CDH4: variants seen among roughly 807,000 people sequenced by gnomAD.
The protein encoded by CDH4 is cadherin 4.
A neutral mutation model predicts 86.0 loss-of-function variants in CDH4; 33 were observed. The observed-to-expected ratio is 0.38, with a 90% CI of 0.29 to 0.51. CDH4 has a LOEUF of 0.51. Ranked by LOEUF, CDH4 falls within the 20% of genes least tolerant of loss-of-function variation. CDH4 has a pLI of 0.86. For missense variants in CDH4, 1,114 were observed against 1,307.4 expected, an observed-to-expected ratio of 0.85 and a Z score of 2.28; for synonymous variants, 555 against 549.4, an observed-to-expected ratio of 1.01 and a Z score of -0.14.
At chr20:61,367,269 C>T (rs986232392) in intron 2 of CDH4, among the ~76,000 whole-genome samples, 4 of 151,314 alleles carry the variant, frequency 2.6e-5, no homozygotes, top group Admixed American at 6.6e-5. Context: ...GTTAAATGCT[C>T]GCTCTGTGCT....
chr20:61,322,664 C>T (rs1033343438), intron 2 of CDH4, among the ~76,000 whole-genome samples: 1 of 152,162 alleles, frequency 6.6e-6, no homozygotes, highest in African/African-American at 2.4e-5. Context: ...AGGCTGTTTG[C>T]CAGCCACACA....
chr20:61,805,675 T>A (rs1191284843), intron 4 of CDH4, among the ~76,000 whole-genome samples: 1 of 152,132 alleles, frequency 6.6e-6, no homozygotes, highest in East Asian at 1.9e-4. Flanking sequence ...AGAGGTATGT[T>A]TAAAACTCCC....
At chr20:61,408,126 C>G (rs1171658414) in intron 2 of CDH4, among the ~76,000 whole-genome samples, 1 of 152,170 alleles carries the variant, frequency 6.6e-6, no homozygotes, top group Non-Finnish European at 1.5e-5. Context: ...CAAGTGTCCT[C>G]TCACTAGGAC....
chr20:61,627,886 G>A lies in CDH4; in HGVS notation c.170-115677G>A, dbSNP rs61178923. On this transcript the variant is annotated intron_variant, in intron 2 of 15. Transcript: ENST00000614565. Reference sequence around the variant, plus strand: ...CCCTTTTGTGTCGGTGTCCCCCAGCGAGGCCCAGGACTTGTTCTCACCCCT... The same window carrying A: ...CCCTTTTGTGTCGGTGTCCCCCAGCAAGGCCCAGGACTTGTTCTCACCCCT... Among the ~76,000 whole-genome samples, 1,315 of 152,154 alleles carry A rather than the reference G, an allele frequency of 8.6e-3. 11 individuals carry two copies. Among genetic ancestry groups the A allele is most frequent in the African/African-American group, 0.029 (1,211 of 41,520 alleles).
rs565354554 is a variant in CDH4 at position 61,333,717 on chromosome 20, C to G, written c.169+78780C>G. Among the ~76,000 whole-genome samples, 20 of 152,310 alleles carry G rather than the reference C, an allele frequency of 1.3e-4. No homozygotes were observed. In the South Asian group the frequency reaches 3.9e-3, roughly 30 times the overall value. On this transcript the variant is annotated intron_variant, in intron 2 of 15. Coordinates refer to ENST00000614565, the MANE Select transcript of CDH4 (RefSeq NM_001794.5). ...AGGCCTCTGCGGTATCCCTGGGTTG[C>G]GCTTTCAGGCGAAGAGCATCGTGAT... is the stretch of plus-strand genomic sequence containing the variant.
chr20:61,706,949 G>A (rs2087838224), intron 2 of CDH4, among the ~76,000 whole-genome samples: 1 of 152,242 alleles, frequency 6.6e-6, no homozygotes, highest in Non-Finnish European at 1.5e-5. Flanking sequence ...CTGGTCTTTA[G>A]AAGCTCCTGG....
At chr20:61,337,141 A>G (rs1312083759) in intron 2 of CDH4, among the ~76,000 whole-genome samples, 1 of 151,756 alleles carries the variant, frequency 6.6e-6, no homozygotes, top group Non-Finnish European at 1.5e-5. Context: ...CTTCGCCATA[A>G]AGTGGGGATG....
At chr20:61,729,516 C>G (rs948454871) in intron 2 of CDH4, among the ~76,000 whole-genome samples, 9 of 152,218 alleles carry the variant, frequency 5.9e-5, no homozygotes, top group Non-Finnish European at 4.4e-5. Context: ...AGAGCCCTTT[C>G]ACGACGTAAG....
At chr20:61,367,861 CAGG>C (rs2084819250) in intron 2 of CDH4, among the ~76,000 whole-genome samples, 1 of 147,990 alleles carries the variant, frequency 6.8e-6, no homozygotes, top group Non-Finnish European at 1.5e-5. Flanking sequence ...TGCCTTTCTC[CAGG>C]ATCTTTTTTT....
At chr20:61,803,173 G>A (rs1412026043) in intron 4 of CDH4, among the ~76,000 whole-genome samples, 4 of 150,916 alleles carry the variant, frequency 2.7e-5, no homozygotes, top group Non-Finnish European at 2.9e-5. Flanking sequence ...GTGGGGTCCC[G>A]TCGTGGCGGC....
intron 2 of CDH4, among the ~76,000 whole-genome samples, chr20:61,672,988 A>C (rs2087407005): frequency 6.6e-6 from 1 of 152,136 alleles, no homozygotes; most frequent in Admixed American, 6.5e-5. Flanking sequence ...AGAGTGACAG[A>C]GAAAGAAAGA....
intron 4 of CDH4, among the ~76,000 whole-genome samples, chr20:61,808,699 G>T (rs151149103): frequency 0.012 from 1,832 of 152,364 alleles, 13 homozygotes; most frequent in Middle Eastern, 0.024. Context: ...TGCCTTTCCA[G>T]TGTGGGAGCT....
intron 2 of CDH4, among the ~76,000 whole-genome samples, chr20:61,524,291 G>A (rs1327842615): frequency 1.3e-5 from 2 of 152,130 alleles, no homozygotes; most frequent in African/African-American, 2.4e-5. Context: ...AGGAGGGCAC[G>A]TGAAAACCCG....
intron 8 of CDH4, among the ~76,000 whole-genome samples, chr20:61,899,790 G>C (rs1287846027): frequency 6.6e-6 from 1 of 152,196 alleles, no homozygotes; most frequent in African/African-American, 2.4e-5. Context: ...CAGGGTCTCC[G>C]AGGACAGGAT....
chr20:61,539,787 C>T (rs755430232), intron 2 of CDH4, among the ~76,000 whole-genome samples: 1 of 152,212 alleles, frequency 6.6e-6, no homozygotes, highest in African/African-American at 2.4e-5. Context: ...CAGGGACACG[C>T]CAGCTCTTGA....
At position 61,425,876 on chromosome 20, in the gene CDH4, C is replaced by T. The variant is rs1600968116; in HGVS notation, c.169+170939C>T. 2.7e-5 allele frequency among the ~76,000 whole-genome samples: 4 copies of T among 149,484 alleles called. No homozygotes were observed. In the South Asian group the frequency reaches 8.6e-4, roughly 32 times the overall value. On this transcript the variant is annotated intron_variant, in intron 2 of 15. Coordinates refer to ENST00000614565, the MANE Select transcript of CDH4 (RefSeq NM_001794.5). Reference sequence around the variant, plus strand: ...AAAGGCCCCGCCCAGGGCAGAATGGCCAATTGCAGGACGTTCTCGAGGGCC... The same window carrying T: ...AAAGGCCCCGCCCAGGGCAGAATGGTCAATTGCAGGACGTTCTCGAGGGCC...
intron 3 of CDH4, among the ~76,000 whole-genome samples, chr20:61,746,306 G>C (rs568379592): frequency 6.6e-6 from 1 of 152,330 alleles, no homozygotes; most frequent in East Asian, 1.9e-4. Flanking sequence ...GACTGTTGCA[G>C]GGCACAGTGG....
At position 61,856,544 on chromosome 20, in the gene CDH4, C is replaced by T. The variant is rs574180328; in HGVS notation, c.877+3646C>T. 3.6e-3 allele frequency among the ~76,000 whole-genome samples: 535 copies of T among 150,298 alleles called. 3 individuals carry two copies. Among genetic ancestry groups the T allele is most frequent in the Non-Finnish European group, 6.8e-3 (458 of 67,480 alleles). ...CACACTCTTCCCCACCTCCCCCCGC[C>T]GGGATCCACAAGGGTTCTGCGTGCA... On this transcript the variant is annotated intron_variant, in intron 6 of 15. Coordinates refer to ENST00000614565, the MANE Select transcript of CDH4 (RefSeq NM_001794.5).
intron 4 of CDH4, among the ~76,000 whole-genome samples, chr20:61,831,971 C>G (rs752516710): frequency 3.3e-4 from 51 of 152,300 alleles, no homozygotes; most frequent in Non-Finnish European, 6.5e-4. Flanking sequence ...TGGAGCCTGC[C>G]TGCATCCACT....
Sources: gnomAD v4.1 joint callset for allele counts (sites outside exome capture counted in the v4.1 genomes callset) on GRCh38, gnomAD v4.1.1 for gene constraint, MANE v1.5 for transcripts, NCBI Gene and HGNC (gene_info 2026-07-23, HGNC 2026-07-21) for gene names.